TRPV1: variants seen among roughly 807,000 people sequenced by gnomAD.
The protein encoded by TRPV1 is transient receptor potential cation channel subfamily V member 1, also known as OTRPC1.
TRPV1 carries 82 observed loss-of-function variants against 82.3 expected under a neutral mutation model. The ratio of observed to expected loss-of-function variants is 1.00; its 90% CI spans 0.83 to 1.20. The LOEUF is 1.20. Among genes scored for constraint, TRPV1 ranks in the 50% most tolerant of loss-of-function variants. TRPV1 has a pLI of 0.00. For missense variants in TRPV1, 1,067 were observed against 1,096.8 expected (o/e 0.97, Z 0.38); for synonymous variants, 515 against 467.7 (o/e 1.10, Z -1.30).
At chr17:3,582,329 G>A (rs1486008532) in intron 10 of TRPV1, among the ~76,000 whole-genome samples, 10 of 149,964 alleles carry the variant, frequency 6.7e-5, no homozygotes, top group Admixed American at 3.3e-4. Context: ...CCACGATCAC[G>A]CCACTGCACT....
chr17:3,588,670 C>T (rs2075114113), intron 7 of TRPV1, among the ~76,000 whole-genome samples: 1 of 152,154 alleles, frequency 6.6e-6, no homozygotes, highest in South Asian at 2.1e-4. Context: ...AAAAATTAGC[C>T]GGGCATGGTG....
chr17:3,605,586 G>A (rs222741), intron 2 of TRPV1, among the ~76,000 whole-genome samples: 116,614 of 151,940 alleles, frequency 0.77, 45,171 homozygotes, highest in African/African-American at 0.86. Context: ...TACTCAAAAA[G>A]AAATGTTAAC....
intron 11 of TRPV1, chr17:3,578,698 C>T (rs544788691): frequency 6.6e-6 from 1 of 152,220 alleles, no homozygotes; most frequent in Admixed American, 6.5e-5. Context: ...AGGAAAAGAA[C>T]CCATTCTACC....
In TRPV1 at chr17:3,588,372, C is replaced by T; in HGVS notation, c.1045-5G>A. The T allele has an allele frequency of 6.4e-7, 1 of 1,552,204 alleles. No individual in the cohort carries two copies. Among genetic ancestry groups the T allele is most frequent in the Non-Finnish European group, 8.7e-7 (1 of 1,147,198 alleles). ...CTGGAGAATATAGGCCAAGACCTGCCCCCGGGGAGCAAGAGCCCGTCAGAG... is the reference window on the plus strand; with the variant it reads ...CTGGAGAATATAGGCCAAGACCTGCTCCCGGGGAGCAAGAGCCCGTCAGAG... On this transcript the variant is annotated splice_polypyrimidine_tract_variant and splice_region_variant and intron_variant, in intron 7 of 16. Coordinates refer to ENST00000572705, the MANE Select transcript of TRPV1 (RefSeq NM_080704.4).
At chr17:3,568,481 C>T (rs1408485551) in intron 16 of TRPV1, among the ~76,000 whole-genome samples, 1 of 152,158 alleles carries the variant, frequency 6.6e-6, no homozygotes, top group Admixed American at 6.5e-5. Context: ...ACTAAACTCA[C>T]AGGAAAATCA....
rs767938216 is a variant in TRPV1 at position 3,577,145 on chromosome 17, G to T, written c.1761C>A (p.Phe587Leu). Residue 587 changes from phenylalanine (F) to leucine (L), a missense_variant, in exon 13 of 17, where the codon TTC becomes TTA. Transcript: ENST00000572705. ...CATTACCTGTGGAAAACCCGAACAA[G>T]AAGACGATGTAGACAAACATGAAAC... Reference protein sequence around the residue: ...LCRFMFVYIVFLFGFSTAVVT... With the variant: ...LCRFMFVYIVLLFGFSTAVVT... 1.9e-6 allele frequency: 3 copies of T among 1,588,554 alleles called. No homozygotes were observed. The highest frequency in any genetic ancestry group is 1.8e-5 in the Admixed American group (1 of 55,886).
chr17:3,569,903 G>A (rs568131988), intron 16 of TRPV1, among the ~76,000 whole-genome samples: 2 of 151,908 alleles, frequency 1.3e-5, no homozygotes, highest in East Asian at 3.9e-4. Flanking sequence ...CAAGGGGTTA[G>A]GGGCCAGGGG....
chr17:3,590,919 C>G, intron 5 of TRPV1, 45 bp downstream of exon 5: 2 of 1,523,406 alleles, frequency 1.3e-6, no homozygotes, highest in Non-Finnish European at 1.8e-6. Context: ...CCCTGCTTCC[C>G]GGTGCTGCGG....
chr17:3,570,475 T>G (rs1487506178), intron 16 of TRPV1, among the ~76,000 whole-genome samples: 1 of 152,166 alleles, frequency 6.6e-6, no homozygotes, highest in Non-Finnish European at 1.5e-5. Context: ...AGGATTTAAA[T>G]GGCAAGTTTT....
Position 3,603,704 on chromosome 17 carries a change from G to A in TRPV1, c.-34+4723C>T, listed in dbSNP as rs565146069. 2.0e-5 allele frequency among the ~76,000 whole-genome samples: 3 copies of A among 152,258 alleles called. No individual in the cohort carries two copies. In the South Asian group the frequency reaches 6.2e-4, roughly 32 times the overall value. On this transcript the variant is annotated intron_variant, in intron 2 of 16. Coordinates refer to ENST00000572705, the MANE Select transcript of TRPV1 (RefSeq NM_080704.4). ...ACTGCTGAGCTGTATCCGGCCATTA[G>A]CTCGAAGTTATGACTAATTGTTTTT...
At chr17:3,578,587 T>G (rs2074964722) in intron 11 of TRPV1, 1 of 152,236 alleles carries the variant, frequency 6.6e-6, no homozygotes, top group South Asian at 2.1e-4. Flanking sequence ...AAACTGCTTC[T>G]CTTAGGCAGG....
intron 11 of TRPV1, 46 bp downstream of exon 11, chr17:3,580,411 C>T (rs202105940): frequency 1.4e-5 from 22 of 1,596,964 alleles, no homozygotes; most frequent in Admixed American, 1.3e-4. Context: ...GAACTGATTG[C>T]GGTCACCTGG....
chr17:3,583,490 G>C, intron 9 of TRPV1, 60 bp from the exon 10 acceptor site: 1 of 1,360,164 alleles, frequency 7.4e-7, no homozygotes, highest in African/African-American at 1.4e-5. Context: ...AACAAACATG[G>C]ACCAGGTCCA....
intron 16 of TRPV1, among the ~76,000 whole-genome samples, chr17:3,567,548 G>A (rs1218564096): frequency 6.6e-6 from 1 of 151,824 alleles, no homozygotes; most frequent in Non-Finnish European, 1.5e-5. Flanking sequence ...ATCCCACCCC[G>A]ACTTGCTTGC....
rs1340990013 is a variant in TRPV1, at chr17:3,573,827, C to A, written c.1909G>T (p.Glu637Ter). Reference protein sequence around the residue: ...SYNSLYSTCLELFKFTIGMGD... With the variant: ...SYNSLYSTCL ...ATGCCGATGGTGAACTTGAACAGCT[C>A]CAGGCAGGTGGAGTACAGGCTGTTG... Residue 637 changes from glutamate to a stop codon, truncating the protein, a stop_gained, in exon 14 of 17, where the codon GAG becomes TAG. Transcript: ENST00000572705. LOFTEE classifies it high-confidence loss of function. The A allele has an allele frequency of 1.9e-6, 3 of 1,613,694 alleles. No individual in the cohort carries two copies. The highest frequency in any genetic ancestry group is 1.1e-5 in the South Asian group (1 of 91,078).
chr17:3,582,059 G>T (rs1258458198), intron 10 of TRPV1, among the ~76,000 whole-genome samples: 2 of 140,730 alleles, frequency 1.4e-5, no homozygotes, highest in African/African-American at 5.3e-5. Flanking sequence ...GCGTGGTGGC[G>T]GGTGCCTGTA....
chr17:3,586,380 G>A (rs565218953), intron 8 of TRPV1, among the ~76,000 whole-genome samples: 50 of 152,344 alleles, frequency 3.3e-4, no homozygotes, highest in Admixed American at 9.8e-4. Context: ...GGGAGGCAGG[G>A]AACTAGGAGG....
rs560221443 is a variant in TRPV1, at chr17:3,569,753, A to G, written c.2347+1771T>C. The stretch of plus-strand genomic sequence containing the variant: ...CTGAGCTGTGCTAGCTCATGGTGTG[A>G]CTGCATGAGGGTGATCAGAGAGTGG... On this transcript the variant is annotated intron_variant, in intron 16 of 16. Coordinates refer to ENST00000572705, the MANE Select transcript of TRPV1 (RefSeq NM_080704.4). Among the ~76,000 whole-genome samples the G allele has an allele frequency of 3.2e-3, 490 of 152,300 alleles. 2 individuals carry two copies. Among genetic ancestry groups the G allele is most frequent in the African/African-American group, 0.011 (438 of 41,580 alleles).
intron 2 of TRPV1, among the ~76,000 whole-genome samples, chr17:3,607,662 A>G (rs2075305325): frequency 6.6e-6 from 1 of 151,184 alleles, no homozygotes; most frequent in African/African-American, 2.4e-5. Flanking sequence ...TCAGCCTCCT[A>G]AGTAGCTGGG....
Sources: gnomAD v4.1 joint callset for allele counts (sites outside exome capture counted in the v4.1 genomes callset) on GRCh38, gnomAD v4.1.1 for gene constraint, MANE v1.5 for transcripts, NCBI Gene and HGNC (gene_info 2026-07-23, HGNC 2026-07-21) for gene names.